Variants in THSD7B observed in about 807,000 individuals in gnomAD.
THSD7B encodes thrombospondin type 1 domain containing 7B.
Under a neutral mutation model 213.6 loss-of-function variants are expected in THSD7B, and 138 were observed. That is an observed-to-expected ratio of 0.65 (90% CI 0.56 to 0.74). THSD7B has a LOEUF of 0.74. Ranked by LOEUF, THSD7B falls within the 30% of genes least tolerant of loss-of-function variation. The pLI is 0.00. For missense variants in THSD7B, 1,931 were observed against 1,991.5 expected (o/e 0.97, Z 0.58); for synonymous variants, 742 against 687.0 (o/e 1.08, Z -1.25).
At chr2:137,088,893 G>T (rs557010405) in intron 3 of THSD7B, among the ~76,000 whole-genome samples, 5 of 152,260 alleles carry the variant, frequency 3.3e-5, no homozygotes, top group Middle Eastern at 3.4e-3. Context: ...CTAATGATCA[G>T]CATTATGCAA....
At chr2:137,482,187 C>CAAA (rs5834555) in intron 15 of THSD7B, among the ~76,000 whole-genome samples, 2 of 132,642 alleles carry the variant, frequency 1.5e-5, no homozygotes, top group Non-Finnish European at 1.6e-5. Flanking sequence ...CCCTCCCCAC[C>CAAA]AAAAAAAAAA....
intron 3 of THSD7B, 118 bp downstream of exon 3, chr2:137,057,348 T>C: frequency 1.9e-6 from 2 of 1,068,946 alleles, no homozygotes; most frequent in South Asian, 3.5e-5. Flanking sequence ...ATAATTTAGG[T>C]TTTTAGAAGT....
intron 12 of THSD7B, among the ~76,000 whole-genome samples, chr2:137,402,912 GA>G (rs199576133): frequency 1.0e-4 from 15 of 150,594 alleles, no homozygotes; most frequent in African/African-American, 2.9e-4. Flanking sequence ...TGTCATTTTG[GA>G]AAAAAAAATT....
At chr2:137,121,927 C>A (rs958511773) in intron 5 of THSD7B, among the ~76,000 whole-genome samples, 9 of 152,096 alleles carry the variant, frequency 5.9e-5, no homozygotes, top group African/African-American at 2.2e-4. Flanking sequence ...GTATTCCATG[C>A]CAAAGCTACG....
chr2:137,581,869 A>G (rs1199867195), intron 17 of THSD7B, among the ~76,000 whole-genome samples: 1 of 151,756 alleles, frequency 6.6e-6, no homozygotes, highest in Non-Finnish European at 1.5e-5. Flanking sequence ...AGGCTGAGGC[A>G]GGTGGATCAC....
intron 25 of THSD7B, among the ~76,000 whole-genome samples, chr2:137,660,186 GA>G (rs942135436): frequency 1.1e-4 from 17 of 151,294 alleles, no homozygotes; most frequent in Non-Finnish European, 2.2e-4. Flanking sequence ...GACTATGGTT[GA>G]AAAAAATATG....
chr2:137,644,947 T>C lies in THSD7B; in HGVS notation c.3945+2314T>C, dbSNP rs148717663. Among the ~76,000 whole-genome samples the C allele has an allele frequency of 5.3e-5, 8 of 152,276 alleles. No individual in the cohort carries two copies. The East Asian group carries it at 1.2e-3, about 22-fold the overall frequency. The stretch of plus-strand genomic sequence containing the variant: ...CAGGCATCACTTTCTTTTTTAGCAT[T>C]TCCTAACTCTTCCCAAGTTTCTCAG... On this transcript the variant is annotated intron_variant, in intron 21 of 27. Coordinates refer to ENST00000409968, the MANE Select transcript of THSD7B (RefSeq NM_001316349.2).
chr2:137,032,038 G>A (rs572557202), intron 2 of THSD7B, among the ~76,000 whole-genome samples: 2 of 151,686 alleles, frequency 1.3e-5, no homozygotes, highest in Admixed American at 6.6e-5. Flanking sequence ...ACGAGATTTC[G>A]CCATGTTACC....
rs1300309902 is a variant in THSD7B at position 137,653,762 on chromosome 2, TTTTTTAAAATTATTA to T, written c.3946-1735_3946-1721del. On this transcript the variant is annotated intron_variant, in intron 21 of 27. Transcript: ENST00000409968. Reference sequence around the variant, plus strand: ...AAATGTAGTTGTTTCAATATTTCTATTTTTTAAAATTATTATTTCAAACTGTTTAATTTCTCTGAT... The same window carrying T: ...AAATGTAGTTGTTTCAATATTTCTATTTTCAAACTGTTTAATTTCTCTGAT... 3.3e-5 allele frequency among the ~76,000 whole-genome samples: 5 copies of T among 151,196 alleles called. No homozygotes were observed. In the South Asian group the frequency reaches 8.4e-4, roughly 25 times the overall value.
intron 3 of THSD7B, among the ~76,000 whole-genome samples, chr2:137,062,318 T>C (rs914957249): frequency 5.3e-5 from 8 of 151,630 alleles, no homozygotes; most frequent in Non-Finnish European, 4.4e-5. Flanking sequence ...CTATTGATTT[T>C]TTTTCTAATT....
At chr2:136,845,912 T>C (rs996287008) in intron 1 of THSD7B, among the ~76,000 whole-genome samples, 4 of 152,184 alleles carry the variant, frequency 2.6e-5, no homozygotes, top group African/African-American at 9.6e-5. Flanking sequence ...CCACAGTATG[T>C]TGTTTATACA....
chr2:136,909,372 C>A lies in THSD7B; in HGVS notation c.139+27055C>A, dbSNP rs150087313. Among the ~76,000 whole-genome samples, 123 of 152,230 alleles carry A rather than the reference C, an allele frequency of 8.1e-4. 1 individual carries two copies. The highest frequency in any genetic ancestry group is 2.9e-3 in the African/African-American group (120 of 41,550). On this transcript the variant is annotated intron_variant, in intron 2 of 27. Coordinates refer to ENST00000409968, the MANE Select transcript of THSD7B (RefSeq NM_001316349.2). ...AAAAAGAAGGAACAGGGAGGAATAG[C>A]AAGATAACTTTCCTTTATCCAAAGA...
At chr2:137,140,908 T>C (rs1679573224) in intron 5 of THSD7B, among the ~76,000 whole-genome samples, 1 of 152,152 alleles carries the variant, frequency 6.6e-6, no homozygotes, top group Non-Finnish European at 1.5e-5. Context: ...TAAGAGTGGG[T>C]ACTGCTTCAA....
intron 7 of THSD7B, among the ~76,000 whole-genome samples, chr2:137,175,644 A>G (rs985532754): frequency 6.6e-6 from 1 of 152,182 alleles, no homozygotes; most frequent in Non-Finnish European, 1.5e-5. Flanking sequence ...CACTCCAAGA[A>G]TGTTACCTTT....
intron 2 of THSD7B, among the ~76,000 whole-genome samples, chr2:137,013,864 G>A (rs927646112): frequency 1.3e-5 from 2 of 152,152 alleles, no homozygotes; most frequent in Non-Finnish European, 1.5e-5. Context: ...CAGTCCCTTC[G>A]AGTAAGTGCT....
intron 12 of THSD7B, among the ~76,000 whole-genome samples, chr2:137,283,199 T>A (rs967452002): frequency 1.3e-5 from 2 of 152,192 alleles, no homozygotes; most frequent in African/African-American, 4.8e-5. Flanking sequence ...ATGATTTGGC[T>A]CTCTGTTTGT....
chr2:136,784,995 T>TCTCTCTC (rs1418608953), intron 1 of THSD7B, among the ~76,000 whole-genome samples: 1 of 152,128 alleles, frequency 6.6e-6, no homozygotes, highest in Non-Finnish European at 1.5e-5. Flanking sequence ...ATTATGTCTC[T>TCTCTCTC]CTCTCTCTAT....
At chr2:136,973,809 A>C (rs1685439944) in intron 2 of THSD7B, among the ~76,000 whole-genome samples, 1 of 152,128 alleles carries the variant, frequency 6.6e-6, no homozygotes, top group African/African-American at 2.4e-5. Flanking sequence ...GCTGTTTCGG[A>C]GAGTATAAGT....
chr2:137,676,479 G>T, intron 27 of THSD7B, 45 bp from the exon 28 acceptor site: 1 of 1,503,022 alleles, frequency 6.7e-7, no homozygotes, highest in Non-Finnish European at 8.9e-7. Flanking sequence ...ATGAAACAGA[G>T]CTCTATGAAC....
Sources: gnomAD v4.1 joint callset for allele counts (sites outside exome capture counted in the v4.1 genomes callset) on GRCh38, gnomAD v4.1.1 for gene constraint, MANE v1.5 for transcripts, NCBI Gene and HGNC (gene_info 2026-07-23, HGNC 2026-07-21) for gene names.